The following LCN1 variants were observed in gnomAD, a reference collection of about 807,000 sequenced individuals.
LCN1 encodes the protein lipocalin-1.
LCN1 carries 25 observed loss-of-function variants against 22.3 expected under a neutral mutation model. The observed-to-expected ratio is 1.12, with a 90% CI of 0.82 to 1.56. The LOEUF (loss-of-function observed/expected upper bound fraction) is 1.56, where lower values mean the gene tolerates loss of function less well. Among genes scored for constraint, LCN1 ranks in the 40% most tolerant of loss-of-function variants. LCN1 has a pLI of 0.00. For synonymous variants in LCN1, 85 were observed against 97.6 expected, an observed-to-expected ratio of 0.87 and a Z score of 0.76; for missense variants, 219 against 235.6, an observed-to-expected ratio of 0.93 and a Z score of 0.46.
At position 135,523,303 on chromosome 9, in the gene LCN1, G is replaced by A. The variant is rs144161694; in HGVS notation, c.292+1G>A. On this transcript the variant is annotated splice_donor_variant, in intron 3 of 6. Coordinates refer to ENST00000371781, the MANE Select transcript of LCN1 (RefSeq NM_002297.4). LOFTEE classifies it high-confidence loss of function. Reference sequence around the variant, plus strand: ...GACGAGCCGGGAAAATACACGGCCGGTGAGTCCCGGGGCCTGAGCCAGAGC... The same window carrying A: ...GACGAGCCGGGAAAATACACGGCCGATGAGTCCCGGGGCCTGAGCCAGAGC... 1.8e-4 allele frequency: 295 copies of A among 1,612,594 alleles called. No individual in the cohort carries two copies. Among genetic ancestry groups the A allele is most frequent in the Non-Finnish European group, 2.5e-4 (289 of 1,179,534 alleles).
chr9:135,525,096 G>A, intron 5 of LCN1, 36 bp from the exon 6 acceptor site: 1 of 1,610,158 alleles, frequency 6.2e-7, no homozygotes, highest in Non-Finnish European at 8.5e-7. Flanking sequence ...CTGCATTCCT[G>A]GGGTCTCCTA....
chr9:135,525,054 A>T lies in LCN1; in HGVS notation c.506-78A>T. 3 of 1,571,308 alleles carry T rather than the reference A, an allele frequency of 1.9e-6. No individual in the cohort carries two copies. The South Asian group carries it at 3.4e-5, about 18-fold the overall frequency. The stretch of plus-strand genomic sequence containing the variant: ...GGCTTTGTCCTTCCTGGGGTGGTGG[A>T]GCTGGTGGCTGATGAGGGGCCCCGG... On this transcript the variant is annotated intron_variant, in intron 5 of 6. Transcript: ENST00000371781.
intron 4 of LCN1, 122 bp from the exon 5 acceptor site, chr9:135,524,708 T>G (rs1373494160): frequency 1.4e-6 from 1 of 735,924 alleles, no homozygotes; most frequent in Non-Finnish European, 2.2e-6. Flanking sequence ...GCCTCTGGGT[T>G]CAATTCCCCC....
chr9:135,526,468 C>T lies in LCN1; in HGVS notation c.*126C>T. 3.1e-6 allele frequency: 4 copies of T among 1,282,534 alleles called. No individual in the cohort carries two copies. The highest frequency in any genetic ancestry group is 4.1e-6 in the Non-Finnish European group (4 of 984,036). 79.4% of individuals were successfully genotyped at this position (1,282,534 alleles called of 1,614,324 possible). The stretch of plus-strand genomic sequence containing the variant: ...CGCGGCTGGCTGCACCCCTTCCTAC[C>T]ACCCCCCGCCTTCCCCCTGCCCTGC... On this transcript the variant is annotated 3_prime_UTR_variant, in exon 7 of 7. Coordinates refer to ENST00000371781, the MANE Select transcript of LCN1 (RefSeq NM_002297.4).
chr9:135,523,526 T>C (rs1466696943), intron 3 of LCN1, among the ~76,000 whole-genome samples: 3 of 152,228 alleles, frequency 2.0e-5, no homozygotes, highest in Admixed American at 6.5e-5. Flanking sequence ...GCGGACCCTC[T>C]GGGCTTGCCC....
chr9:135,523,314 G>A lies in LCN1; in HGVS notation c.292+12G>A, dbSNP rs145263717. 1,161 of 1,610,394 alleles carry A rather than the reference G, an allele frequency of 7.2e-4. 3 individuals are homozygous for A. The African/African-American group carries it at 0.013, about 19-fold the overall frequency. On this transcript the variant is annotated intron_variant, in intron 3 of 6. Transcript: ENST00000371781. ...AAAATACACGGCCGGTGAGTCCCGG[G>A]GCCTGAGCCAGAGCCTGAGCTTGAA...
At chr9:135,524,705 G>A (rs1002532162) in intron 4 of LCN1, 125 bp from the exon 5 acceptor site, 9 of 714,974 alleles carry the variant, frequency 1.3e-5, no homozygotes, top group Non-Finnish European at 1.6e-5. Flanking sequence ...AGGGCCTCTG[G>A]GTTCAATTCC....
intron 5 of LCN1, 55 bp downstream of exon 5, chr9:135,524,986 G>A (rs1831595899): frequency 1.9e-6 from 3 of 1,562,056 alleles, no homozygotes; most frequent in Middle Eastern, 2.1e-4. Flanking sequence ...GACATCAGCA[G>A]AGCTGCATTG....
Position 135,524,890 on chromosome 9 carries a change from G to T in LCN1, c.464G>T (p.Arg155Leu). The T allele has an allele frequency of 1.2e-6, 2 of 1,607,884 alleles. No homozygotes were observed. The highest frequency in any genetic ancestry group is 1.7e-6 in the Non-Finnish European group (2 of 1,177,324). The change falls in exon 5 of 7, where the codon CGC (arginine) becomes CTC (leucine). Residue 155 changes from arginine (R) to leucine (L), a missense_variant. Physicochemically the swap from Arg to Leu is moderately radical, Grantham distance 102. Transcript: ENST00000371781. The stretch of plus-strand genomic sequence containing the variant: ...GACTTTGAGAAAGCCGCAGGAGCCC[G>T]CGGACTCAGCACGGAGAGCATCCTC... The part of the protein sequence containing the change: ...LEDFEKAAGA[R>L]GLSTESILIP...
Position 135,524,715 on chromosome 9 carries a change from C to T in LCN1, c.404-115C>T, listed in dbSNP as rs1831585364. The T allele has an allele frequency of 5.2e-5, 40 of 773,734 alleles. 1 individual carries two copies. In the South Asian group the frequency reaches 7.4e-4, roughly 14 times the overall value. The allele number at this position is 773,734 out of a possible 1,614,324, so 47.9% of individuals were successfully genotyped here. A position where few individuals can be genotyped will look rare whatever the true frequency, so the allele number is the denominator to read the frequency against. On this transcript the variant is annotated intron_variant, in intron 4 of 6. Transcript: ENST00000371781. ...GCCTGAGGGCCTCTGGGTTCAATTC[C>T]CCCCACGGTGGGCGAGGTCCCCTTC...
intron 4 of LCN1, 51 bp from the exon 5 acceptor site, chr9:135,524,779 C>A: frequency 7.0e-7 from 1 of 1,427,570 alleles, no homozygotes; most frequent in Non-Finnish European, 9.6e-7. Context: ...GATGGGGTGC[C>A]GTCGGCCCAG....
At position 135,523,965 on chromosome 9, in the gene LCN1, G is replaced by A; in HGVS notation, c.378G>A (p.Lys126=). Residue 126 remains lysine, a synonymous_variant, in exon 4 of 7, where the codon AAG becomes AAA. Transcript: ENST00000371781. ...ACTGTGAGGGCGAGCTGCACGGGAAGCCGGTCCGAGGGGTGAAGCTCGTGG... is the reference window on the plus strand; with the variant it reads ...ACTGTGAGGGCGAGCTGCACGGGAAACCGGTCCGAGGGGTGAAGCTCGTGG... ...IFYCEGELHG[K]PVRGVKLVGR... 1 of 1,614,028 alleles carries A rather than the reference G, an allele frequency of 6.2e-7. No homozygotes were observed. The highest frequency in any genetic ancestry group is 1.3e-5 in the African/African-American group (1 of 75,030).
In LCN1 at chr9:135,521,599, A is replaced by T; in HGVS notation, c.90+12A>T. On this transcript the variant is annotated intron_variant, in intron 1 of 6. Coordinates refer to ENST00000371781, the MANE Select transcript of LCN1 (RefSeq NM_002297.4). ...AGGAGATTCAGGATGTGAGGCCCGG[A>T]TGGGAAGGCTGGGCTGGAGGGGGCA... The T allele has an allele frequency of 1.2e-6, 2 of 1,603,390 alleles. No homozygotes were observed. The highest frequency in any genetic ancestry group is 4.5e-5 in the East Asian group (2 of 44,656).
At chr9:135,525,363 G>A (rs546830515) in intron 6 of LCN1, among the ~76,000 whole-genome samples, 38 of 152,214 alleles carry the variant, frequency 2.5e-4, no homozygotes, top group African/African-American at 8.9e-4. Flanking sequence ...GTGACTCCTG[G>A]GCAGCTGGGA....
intron 6 of LCN1, among the ~76,000 whole-genome samples, chr9:135,525,683 C>T (rs527353837): frequency 4.5e-4 from 69 of 152,180 alleles, no homozygotes; most frequent in Non-Finnish European, 5.7e-4. Flanking sequence ...CTGTCCTTCC[C>T]GCACCCTCCC....
chr9:135,526,510 C>A lies in LCN1; in HGVS notation c.*168C>A. 8.0e-7 allele frequency: 1 copy of A among 1,254,632 alleles called. No individual in the cohort carries two copies. The allele number at this position is 1,254,632 out of a possible 1,614,324, so 77.7% of individuals were successfully genotyped here. Reference sequence around the variant, plus strand: ...CTGCCCTGCGCCCCCTCTCCTGGTTCTCCATAAAGAGCTTCAGCAGTTCCC... The same window carrying A: ...CTGCCCTGCGCCCCCTCTCCTGGTTATCCATAAAGAGCTTCAGCAGTTCCC... On this transcript the variant is annotated 3_prime_UTR_variant, in exon 7 of 7. Transcript: ENST00000371781.
Position 135,523,991 on chromosome 9 carries a change from G to C in LCN1, c.403+1G>C, listed in dbSNP as rs776394912. ...CCGGTCCGAGGGGTGAAGCTCGTGG[G>C]TGGGTCCCGCACCCTCACCCTGCAA... On this transcript the variant is annotated splice_donor_variant, in intron 4 of 6. Coordinates refer to ENST00000371781, the MANE Select transcript of LCN1 (RefSeq NM_002297.4). LOFTEE classifies it high-confidence loss of function. The C allele has an allele frequency of 1.4e-5, 22 of 1,612,188 alleles. No individual in the cohort carries two copies. The South Asian group carries it at 2.2e-4, about 16-fold the overall frequency.
chr9:135,526,494 G>C lies in LCN1; in HGVS notation c.*152G>C. 1 of 1,266,854 alleles carries C rather than the reference G, an allele frequency of 7.9e-7. No homozygotes were observed. Among genetic ancestry groups the C allele is most frequent in the Non-Finnish European group, 1.0e-6 (1 of 975,504 alleles). 78.5% of individuals were successfully genotyped at this position (1,266,854 alleles called of 1,614,324 possible). A position where few individuals can be genotyped will look rare whatever the true frequency, so the allele number is the denominator to read the frequency against. On this transcript the variant is annotated 3_prime_UTR_variant, in exon 7 of 7. Transcript: ENST00000371781. ...ACCCCCCGCCTTCCCCCTGCCCTGC[G>C]CCCCCTCTCCTGGTTCTCCATAAAG...
Position 135,523,913 on chromosome 9 carries a change from C to A in LCN1, c.326C>A (p.Ser109Ter). 1 of 1,614,070 alleles carries A rather than the reference C, an allele frequency of 6.2e-7. No individual in the cohort carries two copies. The highest frequency in any genetic ancestry group is 2.2e-5 in the East Asian group (1 of 44,872). Residue 109 changes from serine to a stop codon, truncating the protein, a stop_gained, in exon 4 of 7, where the codon TCG (serine) becomes TAG (stop). Coordinates refer to ENST00000371781, the MANE Select transcript of LCN1 (RefSeq NM_002297.4). LOFTEE classifies it high-confidence loss of function. ...GGKHVAYIIR[S>*]HVKDHYIFYC... ...AAGCACGTGGCATACATCATCAGGT[C>A]GCACGTGAAGGACCACTACATCTTT...
Sources: gnomAD v4.1 joint callset for allele counts (sites outside exome capture counted in the v4.1 genomes callset) on GRCh38, gnomAD v4.1.1 for gene constraint, MANE v1.5 for transcripts, NCBI Gene and HGNC (gene_info 2026-07-23, HGNC 2026-07-21) for gene names.